ZRANB3: variants seen among roughly 807,000 people sequenced by gnomAD.
ZRANB3 encodes the protein zinc finger RANBP2-type containing 3.
A neutral mutation model predicts 133.8 loss-of-function variants in ZRANB3; 125 were observed. The observed-to-expected ratio is 0.93, with a 90% CI of 0.81 to 1.08. ZRANB3 has a LOEUF of 1.08. Among genes scored for constraint, ZRANB3 ranks in the 50% least tolerant of loss-of-function variants. ZRANB3 has a pLI of 0.00. For synonymous variants in ZRANB3, 387 were observed against 432.7 expected (o/e 0.89, Z 1.31); for missense variants, 1,229 against 1,275.5 (o/e 0.96, Z 0.56).
intron 12 of ZRANB3, among the ~76,000 whole-genome samples, chr2:135,235,303 C>A (rs1259291047): frequency 6.6e-6 from 1 of 152,070 alleles, no homozygotes; most frequent in Non-Finnish European, 1.5e-5. Context: ...TAATAGCTTA[C>A]CAACCAAAAA....
intron 2 of ZRANB3, among the ~76,000 whole-genome samples, chr2:135,439,475 C>T (rs996326591): frequency 2.0e-5 from 3 of 152,048 alleles, no homozygotes; most frequent in Non-Finnish European, 4.4e-5. Flanking sequence ...GTTACCACAT[C>T]CCACTATAAG....
intron 2 of ZRANB3, among the ~76,000 whole-genome samples, chr2:135,439,283 C>T (rs1689678855): frequency 6.6e-6 from 1 of 152,098 alleles, no homozygotes; most frequent in African/African-American, 2.4e-5. Context: ...ATTTTAACAT[C>T]CAGATAATAA....
At chr2:135,332,968 C>T (rs1280729290) in intron 6 of ZRANB3, among the ~76,000 whole-genome samples, 5 of 152,136 alleles carry the variant, frequency 3.3e-5, no homozygotes, top group Admixed American at 3.3e-4. Flanking sequence ...TGAATGGATC[C>T]AACCTCAGGA....
intron 1 of ZRANB3, among the ~76,000 whole-genome samples, chr2:135,514,389 TTC>T (rs1159745998): frequency 6.6e-6 from 1 of 152,222 alleles, no homozygotes; most frequent in African/African-American, 2.4e-5. Context: ...AGGCATTTCA[TTC>T]TCTTTGTAGC....
intron 3 of ZRANB3, among the ~76,000 whole-genome samples, chr2:135,376,805 C>A (rs376390793): frequency 3.9e-5 from 6 of 152,076 alleles, no homozygotes; most frequent in African/African-American, 1.4e-4. Flanking sequence ...TGAACTTTAT[C>A]GCATAAAGAG....
intron 4 of ZRANB3, among the ~76,000 whole-genome samples, chr2:135,351,838 T>G (rs1474616580): frequency 6.6e-6 from 1 of 152,208 alleles, no homozygotes; most frequent in Non-Finnish European, 1.5e-5. Flanking sequence ...TTTTCTGTCC[T>G]TAACTAACAT....
chr2:135,259,729 A>G (rs1679851502), intron 12 of ZRANB3, among the ~76,000 whole-genome samples: 2 of 151,520 alleles, frequency 1.3e-5, no homozygotes, highest in Admixed American at 1.3e-4. Flanking sequence ...GAAAGCAGAC[A>G]TGTCCTAACC....
intron 2 of ZRANB3, among the ~76,000 whole-genome samples, chr2:135,492,053 T>G (rs531932773): frequency 6.6e-5 from 10 of 152,312 alleles, no homozygotes; most frequent in African/African-American, 2.4e-4. Flanking sequence ...ACCAAACCTT[T>G]AAATTACTAA....
At chr2:135,404,613 A>G (rs553817966) in intron 2 of ZRANB3, among the ~76,000 whole-genome samples, 216 of 152,224 alleles carry the variant, frequency 1.4e-3, no homozygotes, top group Middle Eastern at 6.8e-3. Flanking sequence ...CTACAAAGAT[A>G]CTCCTCGAGA....
chr2:135,508,244 T>C (rs1313171390), intron 1 of ZRANB3, among the ~76,000 whole-genome samples: 4 of 152,118 alleles, frequency 2.6e-5, no homozygotes. Context: ...TTCACGCCAT[T>C]CTCCTGCCTC....
At chr2:135,315,785 T>C (rs537964953) in intron 6 of ZRANB3, among the ~76,000 whole-genome samples, 16 of 152,362 alleles carry the variant, frequency 1.1e-4, no homozygotes, top group African/African-American at 3.6e-4. Context: ...TGTGATGAAC[T>C]GATGACTGTG....
intron 1 of ZRANB3, among the ~76,000 whole-genome samples, chr2:135,523,266 T>C (rs553282005): frequency 5.3e-5 from 8 of 152,070 alleles, no homozygotes; most frequent in Admixed American, 2.6e-4. Flanking sequence ...TCTATCCTTT[T>C]CCCCCCCAAG....
chr2:135,467,277 C>T (rs968428330), intron 2 of ZRANB3, among the ~76,000 whole-genome samples: 10 of 152,124 alleles, frequency 6.6e-5, no homozygotes, highest in Admixed American at 6.5e-4. Flanking sequence ...TCCCAAATAC[C>T]AACCCCTCCT....
chr2:135,521,384 T>C (rs112635714), intron 1 of ZRANB3, among the ~76,000 whole-genome samples: 2 of 151,926 alleles, frequency 1.3e-5, no homozygotes, highest in Non-Finnish European at 2.9e-5. Flanking sequence ...TTGTCTCCAC[T>C]GAAAGTACAA....
intron 8 of ZRANB3, among the ~76,000 whole-genome samples, chr2:135,279,487 A>G (rs1419510191): frequency 6.6e-6 from 1 of 152,218 alleles, no homozygotes; most frequent in Non-Finnish European, 1.5e-5. Flanking sequence ...ATATTTGCCT[A>G]AAGAGCTATA....
Position 135,390,796 on chromosome 2 carries a change from A to G in ZRANB3, c.180+6T>C. ...TAAAAGACATAAAAACCATTGAAAC[A>G]CTTACTTCATCAGCCACCATACACC... On this transcript the variant is annotated splice_donor_region_variant and intron_variant, in intron 3 of 20. Coordinates refer to ENST00000264159, the MANE Select transcript of ZRANB3 (RefSeq NM_032143.4). 6.5e-7 allele frequency: 1 copy of G among 1,547,150 alleles called. No individual in the cohort carries two copies. The highest frequency in any genetic ancestry group is 8.7e-7 in the Non-Finnish European group (1 of 1,147,190).
chr2:135,400,280 T>C (rs1687678196), intron 2 of ZRANB3, among the ~76,000 whole-genome samples: 1 of 150,614 alleles, frequency 6.6e-6, no homozygotes, highest in Admixed American at 6.6e-5. Flanking sequence ...AATAAATAAA[T>C]AACACCCTAT....
intron 1 of ZRANB3, among the ~76,000 whole-genome samples, chr2:135,504,938 T>C (rs79890808): frequency 0.012 from 1,795 of 152,150 alleles, 32 homozygotes; most frequent in African/African-American, 0.04. Flanking sequence ...TAAAGCTACA[T>C]TTAAAAAAAT....
In ZRANB3 at chr2:135,353,631, A is replaced by C. The variant is rs1411475906; in HGVS notation, c.181-3T>G. On this transcript the variant is annotated splice_polypyrimidine_tract_variant and splice_region_variant and intron_variant, in intron 3 of 20. Transcript: ENST00000264159. ...TGGATTGTCTTTCCTAGACCCATCT[A>C]AATTAAAAAATAAATAAATGTTAAT... 7 of 1,436,048 alleles carry C rather than the reference A, an allele frequency of 4.9e-6. No homozygotes were observed. The highest frequency in any genetic ancestry group is 2.9e-5 in the Admixed American group (1 of 34,478). 89.0% of individuals were successfully genotyped at this position (1,436,048 alleles called of 1,614,324 possible).
Sources: gnomAD v4.1 joint callset for allele counts (sites outside exome capture counted in the v4.1 genomes callset) on GRCh38, gnomAD v4.1.1 for gene constraint, MANE v1.5 for transcripts, NCBI Gene and HGNC (gene_info 2026-07-23, HGNC 2026-07-21) for gene names.